CCDC171: variants seen among roughly 807,000 people sequenced by gnomAD.
The protein encoded by CCDC171 is coiled-coil domain-containing protein 171.
Under a neutral mutation model 168.2 loss-of-function variants are expected in CCDC171, and 177 were observed. That is an observed-to-expected ratio of 1.05 (90% CI 0.93 to 1.19). CCDC171 has a LOEUF of 1.19. Ranked by LOEUF, CCDC171 falls within the 50% of genes most tolerant of loss-of-function variation. The pLI is 0.00. For missense variants in CCDC171, 1,991 were observed against 1,539.0 expected (o/e 1.29, Z -4.91); for synonymous variants, 687 against 540.8 (o/e 1.27, Z -3.75).
intron 6 of CCDC171, among the ~76,000 whole-genome samples, chr9:15,620,755 T>A (rs73644684): frequency 6.6e-6 from 1 of 152,130 alleles, no homozygotes; most frequent in African/African-American, 2.4e-5. Context: ...AGAAACCTTT[T>A]TGAAGAAAGA....
intron 3 of CCDC171, chr9:16,020,552 A>G (rs1833135093): frequency 6.5e-6 from 1 of 154,398 alleles, no homozygotes; most frequent in East Asian, 1.9e-4. Context: ...TAAAGAAAAC[A>G]TTTTGTGACT....
chr9:15,953,839 G>A (rs1829473665), intron 25 of CCDC171, among the ~76,000 whole-genome samples: 2 of 151,982 alleles, frequency 1.3e-5, no homozygotes, highest in Middle Eastern at 3.2e-3. Flanking sequence ...TGATTACTGA[G>A]TCAATCTGTT....
chr9:15,808,200 G>T (rs1032587874), intron 21 of CCDC171, among the ~76,000 whole-genome samples: 5 of 152,056 alleles, frequency 3.3e-5, no homozygotes, highest in South Asian at 2.1e-4. Context: ...GAGTAGAGAA[G>T]ATTTGAAATA....
At chr9:15,842,674 A>C (rs1474775080) in intron 21 of CCDC171, among the ~76,000 whole-genome samples, 1 of 151,966 alleles carries the variant, frequency 6.6e-6, no homozygotes, top group Non-Finnish European at 1.5e-5. Context: ...ACACCTTAAA[A>C]GAGTGAATTG....
chr9:16,073,436 G>A, the CCDC171 span, among the ~76,000 whole-genome samples: 21 of 152,248 alleles, frequency 1.4e-4, no homozygotes, highest in Admixed American at 8.5e-4. Flanking sequence ...TTCTTGTTAC[G>A]TGGATGTAAA....
chr9:15,565,164 C>G (rs779584783), intron 2 of CCDC171, among the ~76,000 whole-genome samples: 2 of 150,578 alleles, frequency 1.3e-5, no homozygotes, highest in Non-Finnish European at 1.5e-5. Flanking sequence ...TCTTGGTTCC[C>G]TGCAACCTCC....
At chr9:15,853,290 G>T (rs571965830) in intron 23 of CCDC171, among the ~76,000 whole-genome samples, 1 of 151,592 alleles carries the variant, frequency 6.6e-6, no homozygotes, top group East Asian at 1.9e-4. Context: ...TATAAGTTAG[G>T]CATCTTCTTG....
intron 23 of CCDC171, among the ~76,000 whole-genome samples, chr9:15,865,452 A>G (rs1305780938): frequency 6.6e-6 from 1 of 151,384 alleles, no homozygotes. Flanking sequence ...GTGTGGGTCC[A>G]CTTATACGTG....
chr9:15,683,172 T>C (rs944290530), intron 10 of CCDC171, among the ~76,000 whole-genome samples: 1 of 151,914 alleles, frequency 6.6e-6, no homozygotes, highest in Admixed American at 6.6e-5. Flanking sequence ...TCTCAGGAGG[T>C]TTTGGTCAAA....
chr9:15,969,519 C>T (rs1831140279), intron 25 of CCDC171, among the ~76,000 whole-genome samples: 1 of 152,142 alleles, frequency 6.6e-6, no homozygotes, highest in African/African-American at 2.4e-5. Flanking sequence ...AAAATACCCC[C>T]AGAGGATATC....
rs751511186 is a variant in CCDC171, at chr9:15,777,715, G to C, written c.2787G>C (p.Arg929Ser). 2 of 1,613,766 alleles carry C rather than the reference G, an allele frequency of 1.2e-6. No homozygotes were observed. Among genetic ancestry groups the C allele is most frequent in the African/African-American group, 1.3e-5 (1 of 75,016 alleles). ...AATGTATACCTCTGCACAGTAGCAGGAGTATTACATATGTAGAAAAAGATT... is the reference window on the plus strand; with the variant it reads ...AATGTATACCTCTGCACAGTAGCAGCAGTATTACATATGTAGAAAAAGATT... ...VMECIPLHSS[R>S]SITYVEKDSL... The change falls in exon 19 of 26, where the codon AGG (arginine) becomes AGC (serine). Residue 929 changes from arginine to serine, a missense_variant. Physicochemically the swap from Arg to Ser is moderately radical, Grantham distance 110. Transcript: ENST00000380701.
intron 21 of CCDC171, among the ~76,000 whole-genome samples, chr9:15,805,177 G>A (rs908747865): frequency 6.6e-6 from 1 of 151,306 alleles, no homozygotes; most frequent in Non-Finnish European, 1.5e-5. Flanking sequence ...GTTTTATTAA[G>A]TTTTTCAAAA....
At chr9:16,000,273 C>A (rs976282365) in intron 3 of CCDC171, among the ~76,000 whole-genome samples, 4 of 152,196 alleles carry the variant, frequency 2.6e-5, no homozygotes, top group South Asian at 2.1e-4. Flanking sequence ...AAAGCCTTTT[C>A]TTTCCGTATT....
chr9:15,744,618 C>T lies in CCDC171; in HGVS notation c.2395C>T (p.Arg799Cys), dbSNP rs147702342. 341 of 1,614,138 alleles carry T rather than the reference C, an allele frequency of 2.1e-4. 1 individual carries two copies. Among genetic ancestry groups the T allele is most frequent in the South Asian group, 2.1e-3 (192 of 91,084 alleles). ...AAAGAAAACATTCAAAGGATTGATACGTATATTTCGGAAAGGTGTTATTGC... is the reference window on the plus strand; with the variant it reads ...AAAGAAAACATTCAAAGGATTGATATGTATATTTCGGAAAGGTGTTATTGC... Reference protein sequence around the residue: ...MKKKTFKGLIRIFRKGVIAVL... With the variant: ...MKKKTFKGLICIFRKGVIAVL... Residue 799 changes from arginine to cysteine, a missense_variant, in exon 17 of 26, where the codon CGT becomes TGT. Transcript: ENST00000380701.
chr9:15,647,278 A>G (rs1433590667), intron 7 of CCDC171, among the ~76,000 whole-genome samples: 1 of 152,204 alleles, frequency 6.6e-6, no homozygotes, highest in East Asian at 1.9e-4. Context: ...ATATAGCACT[A>G]AATGCCCACA....
intron 21 of CCDC171, among the ~76,000 whole-genome samples, chr9:15,821,320 T>G: frequency 8.6e-6 from 1 of 116,790 alleles, no homozygotes; most frequent in Non-Finnish European, 1.9e-5. Context: ...CAACATAGTG[T>G]TGGAAGTTCT....
intron 7 of CCDC171, among the ~76,000 whole-genome samples, chr9:15,641,471 A>G (rs903015663): frequency 2.0e-5 from 3 of 152,218 alleles, no homozygotes; most frequent in Non-Finnish European, 4.4e-5. Context: ...ATATGTTTTC[A>G]TAACTTTTGT....
chr9:15,998,733 G>GA lies in CCDC171; in HGVS notation n.369-21849dup, dbSNP rs1416629037. 2.0e-5 allele frequency among the ~76,000 whole-genome samples: 3 copies of GA among 151,986 alleles called. 1 individual carries two copies. In the East Asian group the frequency reaches 5.8e-4, roughly 29 times the overall value. On this transcript the variant is annotated intron_variant and non_coding_transcript_variant, in intron 3 of 9. Coordinates refer to the CCDC171 transcript ENST00000486641. ...CTGGAAGGTTTATTCATGCCCTTCT[G>GA]AAAAAAATTATGTGACTAAATGACT...
intron 9 of CCDC171, 111 bp from the exon 10 acceptor site, chr9:15,678,645 CTT>C: frequency 1.2e-6 from 1 of 802,272 alleles, no homozygotes; most frequent in Non-Finnish European, 1.9e-6. Context: ...CTTAAAAAGT[CTT>C]TTAGCATGAA....
Sources: gnomAD v4.1 joint callset for allele counts (sites outside exome capture counted in the v4.1 genomes callset) on GRCh38, gnomAD v4.1.1 for gene constraint, MANE v1.5 for transcripts, NCBI Gene and HGNC (gene_info 2026-07-23, HGNC 2026-07-21) for gene names.